PIK3C2G: variants seen among roughly 807,000 people sequenced by gnomAD.
The protein encoded by PIK3C2G is phosphatidylinositol 3-kinase C2 domain-containing subunit gamma.
In PIK3C2G, 168 loss-of-function variants were observed where a neutral mutation model predicts 181.1. The ratio of observed to expected loss-of-function variants is 0.93; its 90% CI spans 0.82 to 1.05. PIK3C2G has a LOEUF of 1.05. Ranked by LOEUF, PIK3C2G falls within the 50% of genes least tolerant of loss-of-function variation. PIK3C2G has a pLI of 0.00. For synonymous variants in PIK3C2G, 573 were observed against 592.2 expected, an observed-to-expected ratio of 0.97 and a Z score of 0.47; for missense variants, 1,869 against 1,732.8, an observed-to-expected ratio of 1.08 and a Z score of -1.40.
At chr12:18,649,307 T>G (rs961647994), downstream of PIK3C2G, among the ~76,000 whole-genome samples, 2 of 152,132 alleles carry the variant, frequency 1.3e-5, no homozygotes, top group African/African-American at 4.8e-5. Flanking sequence ...TCCACCTCTC[T>G]GCTTATTACC....
intron 24 of PIK3C2G, among the ~76,000 whole-genome samples, chr12:18,522,225 A>C (rs1942967137): frequency 6.6e-6 from 1 of 152,238 alleles, no homozygotes; most frequent in Admixed American, 6.5e-5. Flanking sequence ...TTAACAATTT[A>C]CTTCAGCAGT....
At chr12:18,668,263 T>C in the PIK3C2G span, among the ~76,000 whole-genome samples, 1 of 152,266 alleles carries the variant, frequency 6.6e-6, no homozygotes, top group African/African-American at 2.4e-5. Flanking sequence ...ACACATCACA[T>C]TTTCATTAAG....
At chr12:18,488,823 T>G (rs999340786) in intron 19 of PIK3C2G, among the ~76,000 whole-genome samples, 194 bp downstream of exon 19, 2 of 152,022 alleles carry the variant, frequency 1.3e-5, no homozygotes, top group Admixed American at 6.6e-5. Context: ...CAGGACATGG[T>G]TTTTTGACCT....
At position 18,282,417 on chromosome 12, in the gene PIK3C2G, T is replaced by C. The variant is rs1372041442; in HGVS notation, c.336T>C (p.Ser112=). The change falls in exon 2 of 33, where the codon TCT becomes TCC. Residue 112 remains serine (S), a synonymous_variant. Coordinates refer to ENST00000538779, the MANE Select transcript of PIK3C2G (RefSeq NM_001288772.2). ...CACCAGCAATTGGTTTTAGTCCTTC[T>C]GTGTTACCAAAACCTCAAAATACGA... ...SKAPAIGFSP[S]VLPKPQNTNK... is the part of the protein sequence containing the mutation. 6 of 1,612,788 alleles carry C rather than the reference T, an allele frequency of 3.7e-6. No homozygotes were observed. The African/African-American group carries it at 5.3e-5, about 14-fold the overall frequency.
intron 29 of PIK3C2G, among the ~76,000 whole-genome samples, chr12:18,568,475 A>G (rs570291618): frequency 6.6e-6 from 1 of 151,958 alleles, no homozygotes; most frequent in African/African-American, 2.4e-5. Context: ...GGCTCACATG[A>G]TTGTGGAGGT....
intron 18 of PIK3C2G, among the ~76,000 whole-genome samples, chr12:18,431,222 A>G (rs1369853937): frequency 3.3e-5 from 5 of 152,188 alleles, no homozygotes; most frequent in Admixed American, 3.3e-4. Flanking sequence ...CCTAATGATT[A>G]TGGGAATTAG....
chr12:18,551,703 G>A (rs552468419), intron 26 of PIK3C2G, among the ~76,000 whole-genome samples: 4 of 152,198 alleles, frequency 2.6e-5, no homozygotes, highest in South Asian at 2.1e-4. Context: ...AAAGAACCCC[G>A]TCTGGTAGCC....
chr12:18,640,619 C>A, intron 32 of PIK3C2G, 65 bp downstream of exon 32: 1 of 1,420,988 alleles, frequency 7.0e-7, no homozygotes, highest in Non-Finnish European at 9.6e-7. Flanking sequence ...AGCTTAACAA[C>A]CAAATATGGA....
At chr12:18,720,000 C>T in the PIK3C2G span, among the ~76,000 whole-genome samples, 2 of 152,194 alleles carry the variant, frequency 1.3e-5, no homozygotes, top group African/African-American at 4.8e-5. Context: ...CTGCCTCCGA[C>T]TAACTTCCCA....
the PIK3C2G span, among the ~76,000 whole-genome samples, chr12:18,700,512 C>CAGAAAAAAAAAA: frequency 1.5e-5 from 1 of 67,896 alleles, no homozygotes; most frequent in Non-Finnish European, 2.5e-5. Context: ...AGCCAACGTA[C>CAGAAAAAAAAAA]AAAAAAAAAA....
intron 25 of PIK3C2G, among the ~76,000 whole-genome samples, chr12:18,538,544 G>A (rs1180384388): frequency 6.6e-6 from 1 of 151,924 alleles, no homozygotes; most frequent in Non-Finnish European, 1.5e-5. Context: ...ATTGATGCAG[G>A]TAGGGGTTAT....
At chr12:18,478,042 A>G (rs1293072656) in intron 18 of PIK3C2G, among the ~76,000 whole-genome samples, 1 of 152,198 alleles carries the variant, frequency 6.6e-6, no homozygotes, top group Non-Finnish European at 1.5e-5. Context: ...CTGTTAAAAG[A>G]AATTTTGTTA....
intron 29 of PIK3C2G, among the ~76,000 whole-genome samples, chr12:18,579,274 A>G (rs987096398): frequency 1.3e-5 from 2 of 152,216 alleles, no homozygotes; most frequent in African/African-American, 4.8e-5. Flanking sequence ...GAGTGGAAAA[A>G]TGGAAGAAAA....
At chr12:18,683,432 A>G in the PIK3C2G span, 41 of 1,447,716 alleles carry the variant, frequency 2.8e-5, no homozygotes, top group South Asian at 4.2e-4. Flanking sequence ...ATTAAAAACC[A>G]TGACTATAGA....
At chr12:18,329,941 G>T (rs190464071) in intron 8 of PIK3C2G, among the ~76,000 whole-genome samples, 3 of 152,086 alleles carry the variant, frequency 2.0e-5, no homozygotes, top group Admixed American at 6.6e-5. Context: ...TCATAAATTT[G>T]TCTTTACCTT....
intron 13 of PIK3C2G, among the ~76,000 whole-genome samples, chr12:18,381,514 G>A (rs1406296751): frequency 6.6e-6 from 1 of 152,112 alleles, no homozygotes; most frequent in African/African-American, 2.4e-5. Flanking sequence ...AGAAACCACT[G>A]TGGGCAAATA....
At position 18,325,093 on chromosome 12, in the gene PIK3C2G, AC is replaced by A; in HGVS notation, c.1270del (p.Gln424ArgfsTer18). The A allele has an allele frequency of 6.5e-7, 1 of 1,538,642 alleles. No homozygotes were observed. The highest frequency in any genetic ancestry group is 9.0e-7 in the Non-Finnish European group (1 of 1,114,718). On this transcript the variant is annotated frameshift_variant, in exon 8 of 33. Coordinates refer to ENST00000538779, the MANE Select transcript of PIK3C2G (RefSeq NM_001288772.2). LOFTEE classifies it high-confidence loss of function. ...CTTCCACCTGAAATACCTATTGAAA[AC>A]CCAGGTATTGACTTTTGTTACTTTA... Reference protein sequence around the residue: ...YDFHLKYLLKTQENVYNIIEE... With the variant: ...YDFHLKYLLKXQENVYNIIEE...
chr12:18,640,533 G>A lies in PIK3C2G; in HGVS notation c.4287G>A (p.Thr1429=), dbSNP rs1364606036. The A allele has an allele frequency of 2.2e-5, 35 of 1,599,988 alleles. No individual in the cohort carries two copies. The highest frequency in any genetic ancestry group is 1.7e-4 in the Middle Eastern group (1 of 6,058). ...RRKTKSVPKC[T]DPTYNEIVVY... is the part of the protein sequence containing the mutation. ...AAACAAAATCTGTTCCAAAATGTAC[G>A]GACCCCACTTACAATGAAATTGTAA... Residue 1429 remains threonine, a synonymous_variant, in exon 32 of 33, where the codon ACG becomes ACA. Coordinates refer to ENST00000538779, the MANE Select transcript of PIK3C2G (RefSeq NM_001288772.2).
chr12:18,399,023 G>A (rs1186651891), intron 15 of PIK3C2G, among the ~76,000 whole-genome samples: 1 of 150,226 alleles, frequency 6.7e-6, no homozygotes, highest in East Asian at 2.0e-4. Context: ...GTGAAACCCC[G>A]TCTCTACTAA....
Sources: gnomAD v4.1 joint callset for allele counts (sites outside exome capture counted in the v4.1 genomes callset) on GRCh38, gnomAD v4.1.1 for gene constraint, MANE v1.5 for transcripts, NCBI Gene and HGNC (gene_info 2026-07-23, HGNC 2026-07-21) for gene names.